Variants in STXBP5 observed in about 807,000 individuals in gnomAD.
STXBP5 encodes syntaxin binding protein 5.
Under a neutral mutation model 152.4 loss-of-function variants are expected in STXBP5, and 50 were observed. The observed-to-expected ratio is 0.33, with a 90% CI of 0.26 to 0.42. The LOEUF (loss-of-function observed/expected upper bound fraction) is 0.42. Ranked by LOEUF, STXBP5 falls within the 10% of genes least tolerant of loss-of-function variation. The probability of loss-of-function intolerance (pLI) is 1.00; values close to 1 mark genes in which losing one functional copy is unlikely to be tolerated. For missense variants in STXBP5, 1,167 were observed against 1,388.6 expected, an observed-to-expected ratio of 0.84 and a Z score of 2.54; for synonymous variants, 492 against 494.7, an observed-to-expected ratio of 0.99 and a Z score of 0.07.
rs1784672705 is a variant in STXBP5, at chr6:147,353,309, C to A, written c.2255-14C>A. 2.6e-6 allele frequency: 4 copies of A among 1,559,382 alleles called. No homozygotes were observed. The highest frequency in any genetic ancestry group is 1.8e-5 in the Admixed American group (1 of 55,336). ...ATATTCTTCAGAATTTTAAAAATGT[C>A]TTTTATTTTTCAGCAAAGATGTCAA... is the stretch of plus-strand genomic sequence containing the variant. On this transcript the variant is annotated splice_polypyrimidine_tract_variant and intron_variant, in intron 21 of 27. Transcript: ENST00000321680.
chr6:147,220,043 CTG>C (rs772019050), intron 2 of STXBP5, among the ~76,000 whole-genome samples: 61 of 151,662 alleles, frequency 4.0e-4, no homozygotes, highest in Non-Finnish European at 5.5e-4. Context: ...GTACTATTTT[CTG>C]TGTTTCCCAT....
chr6:147,347,261 A>G (rs1433218497), intron 21 of STXBP5, among the ~76,000 whole-genome samples: 1 of 152,220 alleles, frequency 6.6e-6, no homozygotes, highest in Non-Finnish European at 1.5e-5. Context: ...TATCAATGAA[A>G]TAATACATAA....
intron 22 of STXBP5, among the ~76,000 whole-genome samples, chr6:147,357,271 T>C (rs1301266110): frequency 1.3e-5 from 2 of 151,958 alleles, no homozygotes; most frequent in Non-Finnish European, 2.9e-5. Context: ...AGAATCTTGA[T>C]AGGTAGGAGA....
intron 2 of STXBP5, 52 bp from the exon 3 acceptor site, chr6:147,235,198 G>A (rs994569715): frequency 1.3e-6 from 2 of 1,516,508 alleles, no homozygotes; most frequent in Non-Finnish European, 1.8e-6. Context: ...TAACTTACCA[G>A]TTTCTCAAAA....
At chr6:147,210,203 G>A (rs1376546449) in intron 2 of STXBP5, among the ~76,000 whole-genome samples, 1 of 152,156 alleles carries the variant, frequency 6.6e-6, no homozygotes, top group South Asian at 2.1e-4. Context: ...AGTAACTAAA[G>A]ATGATAAGGT....
intron 2 of STXBP5, among the ~76,000 whole-genome samples, chr6:147,207,453 C>T (rs761310303): frequency 6.6e-6 from 1 of 152,132 alleles, no homozygotes; most frequent in Admixed American, 6.5e-5. Flanking sequence ...AGTGCTCTTG[C>T]CCAAATATCT....
intron 26 of STXBP5, among the ~76,000 whole-genome samples, chr6:147,377,091 T>G (rs937510512): frequency 3.9e-5 from 6 of 152,190 alleles, no homozygotes; most frequent in Admixed American, 6.5e-5. Flanking sequence ...AATTGTAGAT[T>G]TAATAATAAG....
chr6:147,296,343 C>A (rs1047590306), intron 9 of STXBP5, among the ~76,000 whole-genome samples: 9 of 152,142 alleles, frequency 5.9e-5, no homozygotes, highest in African/African-American at 2.2e-4. Flanking sequence ...ACGTCTACAA[C>A]CTAAGCCACT....
chr6:147,224,229 C>T (rs920340929), intron 2 of STXBP5, among the ~76,000 whole-genome samples: 2 of 152,190 alleles, frequency 1.3e-5, no homozygotes, highest in African/African-American at 4.8e-5. Flanking sequence ...AGTTCAAGAC[C>T]AGCCTGGCCA....
intron 18 of STXBP5, among the ~76,000 whole-genome samples, chr6:147,332,859 A>G (rs1783645596): frequency 6.6e-6 from 1 of 152,196 alleles, no homozygotes; most frequent in African/African-American, 2.4e-5. Flanking sequence ...AATGATAACT[A>G]TATCATATAA....
chr6:147,306,379 G>C (rs1195691795), intron 9 of STXBP5, among the ~76,000 whole-genome samples: 1 of 152,216 alleles, frequency 6.6e-6, no homozygotes, highest in Non-Finnish European at 1.5e-5. Context: ...ACTCTGCCAG[G>C]GTGGCTGGGC....
In STXBP5 at chr6:147,367,553, G is replaced by A. The variant is rs370491015; in HGVS notation, c.3081+3387G>A. 1.2e-3 allele frequency among the ~76,000 whole-genome samples: 179 copies of A among 152,206 alleles called. 1 individual carries two copies. The highest frequency in any genetic ancestry group is 4.1e-3 in the African/African-American group (169 of 41,524). On this transcript the variant is annotated intron_variant, in intron 25 of 27. Coordinates refer to ENST00000321680, the MANE Select transcript of STXBP5 (RefSeq NM_001127715.4). ...CTTGGGAGGCTCAGGCAGGAGAATC[G>A]CTTGAACCCGGGAGGCGGAGCTTGC...
At chr6:147,247,524 T>A (rs1174633479) in intron 4 of STXBP5, among the ~76,000 whole-genome samples, 1 of 152,202 alleles carries the variant, frequency 6.6e-6, no homozygotes, top group Non-Finnish European at 1.5e-5. Context: ...TCTCTTAATA[T>A]TCAGAGGAAA....
At chr6:147,324,495 A>G (rs1783121805) in intron 16 of STXBP5, among the ~76,000 whole-genome samples, 1 of 151,412 alleles carries the variant, frequency 6.6e-6, no homozygotes, top group African/African-American at 2.4e-5. Flanking sequence ...ATGGTCTTGA[A>G]CTGACCTCAG....
At chr6:147,205,354 A>G (rs1306878076) in intron 1 of STXBP5, among the ~76,000 whole-genome samples, 1 of 139,770 alleles carries the variant, frequency 7.2e-6, no homozygotes, top group Non-Finnish European at 1.5e-5. Context: ...TGTATGTCAG[A>G]GTTAATTAAA....
At chr6:147,289,810 A>G (rs1781186918) in intron 8 of STXBP5, among the ~76,000 whole-genome samples, 1 of 152,172 alleles carries the variant, frequency 6.6e-6, no homozygotes, top group African/African-American at 2.4e-5. Context: ...ATAAATTGGC[A>G]CAACCTATCT....
intron 4 of STXBP5, among the ~76,000 whole-genome samples, chr6:147,259,480 TTAAG>T (rs1779542015): frequency 6.6e-6 from 1 of 152,166 alleles, no homozygotes; most frequent in South Asian, 2.1e-4. Context: ...TAGATGAAGC[TTAAG>T]TAATTATCTA....
In STXBP5 at chr6:147,316,262, G is replaced by T. The variant is rs367995260; in HGVS notation, c.1657G>T (p.Asp553Tyr). 1.9e-6 allele frequency: 3 copies of T among 1,613,814 alleles called. No homozygotes were observed. The highest frequency in any genetic ancestry group is 1.7e-5 in the Admixed American group (1 of 59,938). ...LEVRLLYEIN[D>Y]VETPEGEQPP... ...AGTTCGATTATTATATGAGATAAAT[G>T]ATGTGGAAACTCCGGAGGGTGAGCA... The change falls in exon 16 of 28, where the codon GAT becomes TAT. Residue 553 changes from aspartate (D) to tyrosine (Y), a missense_variant. By Grantham distance (160) the Asp-to-Tyr change is radical (BLOSUM62 -3). This residue lies in a region of STXBP5 where 833 missense variants were observed against 986.3 expected (regional missense o/e 0.84). Transcript: ENST00000321680.
chr6:147,355,156 T>TA (rs1784759192), intron 22 of STXBP5, among the ~76,000 whole-genome samples: 1 of 152,180 alleles, frequency 6.6e-6, no homozygotes. Flanking sequence ...GTGATTTTGT[T>TA]ACACTTATGA....
Sources: gnomAD v4.1 joint callset for allele counts (sites outside exome capture counted in the v4.1 genomes callset) on GRCh38, gnomAD v4.1.1 for gene constraint, gnomAD v4.1.1 regional missense constraint, MANE v1.5 for transcripts, NCBI Gene and HGNC (gene_info 2026-07-23, HGNC 2026-07-21) for gene names.